Variants in CABCOCO1 observed in about 807,000 individuals in gnomAD.
CABCOCO1 encodes the protein ciliary-associated calcium-binding coiled-coil protein 1.
Under a neutral mutation model 35.7 loss-of-function variants are expected in CABCOCO1, and 28 were observed. The ratio of observed to expected loss-of-function variants is 0.78; its 90% CI spans 0.58 to 1.07. CABCOCO1 has a LOEUF of 1.07. Ranked by LOEUF, CABCOCO1 falls within the 50% of genes least tolerant of loss-of-function variation. CABCOCO1 has a pLI of 0.00. For missense variants in CABCOCO1, 326 were observed against 309.2 expected (o/e 1.05, Z -0.41); for synonymous variants, 95 against 100.1 (o/e 0.95, Z 0.30).
chr10:61,752,188 T>C (rs1435972799), intron 5 of CABCOCO1, among the ~76,000 whole-genome samples: 1 of 152,152 alleles, frequency 6.6e-6, no homozygotes, highest in Non-Finnish European at 1.5e-5. Context: ...AATAAAAGGC[T>C]GCCTTGCCTA....
chr10:61,677,379 A>G (rs1416564600), intron 2 of CABCOCO1, among the ~76,000 whole-genome samples: 3 of 152,132 alleles, frequency 2.0e-5, no homozygotes, highest in Admixed American at 2.0e-4. Flanking sequence ...CCCATGTGGG[A>G]ATACATATTT....
At chr10:61,727,433 T>A (rs1023204299) in intron 5 of CABCOCO1, among the ~76,000 whole-genome samples, 2 of 152,204 alleles carry the variant, frequency 1.3e-5, no homozygotes, top group African/African-American at 2.4e-5. Flanking sequence ...TGAATTGTTT[T>A]AAGTTAATTA....
rs932450453 is a variant in CABCOCO1 at position 61,693,535 on chromosome 10, G to A, written c.552+2914G>A. ...AAAGAAGTGTCCATTTCATAAGTGA[G>A]GAAAGAATGATGAAATAGAATATCA... is the stretch of plus-strand genomic sequence containing the variant. On this transcript the variant is annotated intron_variant, in intron 5 of 7. Transcript: ENST00000648843. Among the ~76,000 whole-genome samples, 11 of 152,032 alleles carry A rather than the reference G, an allele frequency of 7.2e-5. No individual in the cohort carries two copies. The East Asian group carries it at 7.7e-4, about 11-fold the overall frequency.
At position 61,760,178 on chromosome 10, in the gene CABCOCO1, G is replaced by T. The variant is rs761929336; in HGVS notation, c.672G>T (p.Met224Ile). Residue 224 changes from methionine to isoleucine, a missense_variant, in exon 6 of 8, where the codon ATG (methionine) becomes ATT (isoleucine). Coordinates refer to ENST00000648843, the MANE Select transcript of CABCOCO1 (RefSeq NM_001366906.2). ...IEPPTILDTE[M>I]KRLDQEQGPE... ...CCCCCACAATATTGGATACGGAAAT[G>T]AAGGTATATTTCTTTTTGTCTTTCC... is the stretch of plus-strand genomic sequence containing the variant. The T allele has an allele frequency of 1.9e-6, 3 of 1,611,022 alleles. No homozygotes were observed. The highest frequency in any genetic ancestry group is 4.5e-5 in the East Asian group (2 of 44,846).
rs771882474 is a variant in CABCOCO1, at chr10:61,690,622, G to A, written c.552+1G>A. On this transcript the variant is annotated splice_donor_variant, in intron 5 of 7. Transcript: ENST00000648843. LOFTEE classifies it high-confidence loss of function. The stretch of plus-strand genomic sequence containing the variant: ...GGAAGAAATTGTGATAGGAACTGAG[G>A]TAAGTAATTTATCTAGATGGAACAA... 2 of 1,581,294 alleles carry A rather than the reference G, an allele frequency of 1.3e-6. No individual in the cohort carries two copies. The highest frequency in any genetic ancestry group is 1.7e-6 in the Non-Finnish European group (2 of 1,152,020).
At chr10:61,746,614 T>C (rs1841666595) in intron 5 of CABCOCO1, among the ~76,000 whole-genome samples, 1 of 152,166 alleles carries the variant, frequency 6.6e-6, no homozygotes. Flanking sequence ...CGACAATCAG[T>C]AATTTCCATC....
intron 5 of CABCOCO1, among the ~76,000 whole-genome samples, chr10:61,698,133 TAC>T (rs1840343716): frequency 6.6e-6 from 1 of 152,148 alleles, no homozygotes; most frequent in Admixed American, 6.6e-5. Flanking sequence ...TGCATTTCAA[TAC>T]ACACACACAT....
At chr10:61,679,888 GA>G (rs1278783754) in intron 2 of CABCOCO1, among the ~76,000 whole-genome samples, 3 of 151,716 alleles carry the variant, frequency 2.0e-5, no homozygotes, top group Admixed American at 2.0e-4. Context: ...AAGAGATAAA[GA>G]AATAAAAGAT....
intron 7 of CABCOCO1, among the ~76,000 whole-genome samples, chr10:61,764,124 T>C (rs1842062056): frequency 6.6e-6 from 1 of 152,046 alleles, no homozygotes; most frequent in Non-Finnish European, 1.5e-5. Flanking sequence ...CCCTATGTGG[T>C]AGTGAAACAG....
At chr10:61,670,805 T>C (rs1839333002) in intron 1 of CABCOCO1, among the ~76,000 whole-genome samples, 1 of 152,214 alleles carries the variant, frequency 6.6e-6, no homozygotes, top group Non-Finnish European at 1.5e-5. Flanking sequence ...TTCACAGCTC[T>C]TCTCTTCATG....
At chr10:61,681,377 A>G (rs1272649178) in intron 3 of CABCOCO1, 65 bp downstream of exon 3, 1 of 1,233,880 alleles carries the variant, frequency 8.1e-7, no homozygotes, top group Non-Finnish European at 1.1e-6. Flanking sequence ...GAGGTTCTTA[A>G]GCAAAAGTTA....
intron 3 of CABCOCO1, among the ~76,000 whole-genome samples, chr10:61,683,171 A>T (rs1388508477): frequency 6.6e-6 from 1 of 152,136 alleles, no homozygotes; most frequent in South Asian, 2.1e-4. Flanking sequence ...GATTACAGGC[A>T]TTAGCCACTG....
intron 5 of CABCOCO1, among the ~76,000 whole-genome samples, chr10:61,744,062 C>T (rs1458770079): frequency 1.3e-5 from 2 of 152,198 alleles, no homozygotes; most frequent in Admixed American, 1.3e-4. Flanking sequence ...TAGTACCGTA[C>T]TTGGCTTGGA....
In CABCOCO1 at chr10:61,717,930, G is replaced by A. The variant is rs531947180; in HGVS notation, c.552+27309G>A. ...AATATTTTAACCCAATAGCAGGGAA[G>A]AGACGACTCATCTTGAGCAGGGTTA... On this transcript the variant is annotated intron_variant, in intron 5 of 7. Transcript: ENST00000648843. 5.9e-5 allele frequency among the ~76,000 whole-genome samples: 9 copies of A among 152,330 alleles called. No homozygotes were observed. In the South Asian group the frequency reaches 1.9e-3, roughly 32 times the overall value.
chr10:61,756,505 G>T (rs987763978), intron 5 of CABCOCO1, among the ~76,000 whole-genome samples: 1 of 151,806 alleles, frequency 6.6e-6, no homozygotes, highest in African/African-American at 2.4e-5. Context: ...AATATAAATG[G>T]CATTCACATG....
At chr10:61,667,026 ATAAT>A (rs1839202136) in intron 1 of CABCOCO1, among the ~76,000 whole-genome samples, 1 of 135,990 alleles carries the variant, frequency 7.4e-6, no homozygotes, top group East Asian at 2.1e-4. Context: ...ATATATAAAT[ATAAT>A]TATATTATAT....
intron 5 of CABCOCO1, among the ~76,000 whole-genome samples, chr10:61,717,321 T>C (rs545027586): frequency 6.6e-5 from 10 of 152,302 alleles, no homozygotes; most frequent in Non-Finnish European, 1.2e-4. Flanking sequence ...TCATATTTAA[T>C]GGAGTACTAT....
In CABCOCO1 at chr10:61,672,663, TTC is replaced by T; in HGVS notation, c.94_95del (p.Leu32ValfsTer12). On this transcript the variant is annotated frameshift_variant, in exon 2 of 8. Transcript: ENST00000648843. LOFTEE classifies it high-confidence loss of function. ...ACTGAATTCCAGGAGCATGAAAAGA[TTC>T]TGTCTCCGGATTTTCTTTCAGTTGC... is the stretch of plus-strand genomic sequence containing the variant. 13 of 978,264 alleles carry T rather than the reference TTC, an allele frequency of 1.3e-5. No homozygotes were observed. The highest frequency in any genetic ancestry group is 1.6e-5 in the Non-Finnish European group (13 of 823,386). The allele number at this position is 978,264 out of a possible 1,614,324, so 60.6% of individuals were successfully genotyped here.
At chr10:61,680,676 ATGT>A (rs1564532730) in intron 2 of CABCOCO1, among the ~76,000 whole-genome samples, 15 of 82,474 alleles carry the variant, frequency 1.8e-4, no homozygotes, top group Non-Finnish European at 2.5e-4. Flanking sequence ...TATAACATAT[ATGT>A]TATACATGTA....
Sources: allele counts gnomAD v4.1 joint callset (sites outside exome capture counted in the v4.1 genomes callset), GRCh38; gene constraint gnomAD v4.1.1; transcripts MANE v1.5; gene names NCBI Gene and HGNC (gene_info 2026-07-23, HGNC 2026-07-21).